The following KAZN variants were observed in gnomAD, a reference collection of about 807,000 sequenced individuals.
KAZN encodes kazrin.
Under a neutral mutation model 87.4 loss-of-function variants are expected in KAZN, and 40 were observed. The observed-to-expected ratio is 0.46, with a 90% CI of 0.36 to 0.60. The LOEUF is 0.60. Ranked by LOEUF, KAZN falls within the 20% of genes least tolerant of loss-of-function variation. KAZN has a pLI of 0.00. For synonymous variants in KAZN, 466 were observed against 458.3 expected, an observed-to-expected ratio of 1.02 and a Z score of -0.22; for missense variants, 898 against 1,073.9, an observed-to-expected ratio of 0.84 and a Z score of 2.29.
chr1:15,002,377 A>G lies in KAZN; in HGVS notation c.419-32372A>G, dbSNP rs183651740. ...CGCTGTTGACTCCTTGACTGGGCCA[A>G]GAGTCAATGGGTCTGCAGCCCCAGA... On this transcript the variant is annotated intron_variant, in intron 2 of 14. Transcript: ENST00000376030. 2.4e-3 allele frequency among the ~76,000 whole-genome samples: 364 copies of G among 152,292 alleles called. 2 individuals carry two copies. Among genetic ancestry groups the G allele is most frequent in the Non-Finnish European group, 3.6e-3 (242 of 68,020 alleles).
chr1:14,055,441 G>C (rs574035939), intron 1 of KAZN, among the ~76,000 whole-genome samples: 1 of 152,162 alleles, frequency 6.6e-6, no homozygotes, highest in Non-Finnish European at 1.5e-5. Flanking sequence ...TAAGACACAC[G>C]CATGTTGATT....
chr1:14,179,503 A>G (rs1020613408), intron 1 of KAZN, among the ~76,000 whole-genome samples: 3 of 152,260 alleles, frequency 2.0e-5, no homozygotes, highest in African/African-American at 7.2e-5. Flanking sequence ...CCAAAGCCAG[A>G]AGTCTTCAAA....
intron 1 of KAZN, among the ~76,000 whole-genome samples, chr1:14,926,961 C>T (rs918337722): frequency 2.6e-5 from 4 of 152,164 alleles, no homozygotes; most frequent in African/African-American, 9.7e-5. Context: ...TTGAATTGCT[C>T]AGGGAGAATG....
At chr1:14,960,954 G>A in intron 2 of KAZN, 79 bp downstream of exon 2, 2 of 1,447,380 alleles carry the variant, frequency 1.4e-6, no homozygotes, top group Non-Finnish European at 1.9e-6. Flanking sequence ...TGCAGGGGAA[G>A]TGACGCAGAT....
intron 2 of KAZN, among the ~76,000 whole-genome samples, chr1:14,446,395 A>C (rs535640544): frequency 2.0e-5 from 3 of 152,306 alleles, no homozygotes; most frequent in African/African-American, 7.2e-5. Context: ...AGACTACAGC[A>C]GGGATCTAGT....
chr1:14,270,963 G>A (rs1415722460), intron 2 of KAZN, among the ~76,000 whole-genome samples: 4 of 152,224 alleles, frequency 2.6e-5, no homozygotes, highest in African/African-American at 7.2e-5. Flanking sequence ...CGGAGAAAGG[G>A]TTTGCTACAG....
intron 2 of KAZN, among the ~76,000 whole-genome samples, chr1:15,015,927 G>A (rs1269097771): frequency 1.3e-5 from 2 of 152,168 alleles, no homozygotes; most frequent in Non-Finnish European, 2.9e-5. Context: ...GGAGGGCAGG[G>A]CGCCCCCACT....
intron 1 of KAZN, among the ~76,000 whole-genome samples, chr1:14,864,605 T>A (rs906387414): frequency 6.6e-6 from 1 of 152,150 alleles, no homozygotes; most frequent in Non-Finnish European, 1.5e-5. Context: ...TAAGTGGGTA[T>A]AAAGGTGGGA....
At position 15,098,432 on chromosome 1, in the gene KAZN, G is replaced by A. The variant is rs192208030; in HGVS notation, c.1548-3111G>A. 5.4e-3 allele frequency among the ~76,000 whole-genome samples: 825 copies of A among 152,370 alleles called. 7 individuals are homozygous for A. The highest frequency in any genetic ancestry group is 0.019 in the African/African-American group (782 of 41,584). On this transcript the variant is annotated intron_variant, in intron 10 of 14. Transcript: ENST00000376030. ...GCACATTAATTGTGGGCATGCAGAT[G>A]GAGATTGCTGATTATGGATGGGCCC...
At chr1:14,239,347 C>T (rs1004716856) in intron 2 of KAZN, among the ~76,000 whole-genome samples, 1 of 151,854 alleles carries the variant, frequency 6.6e-6, no homozygotes, top group Non-Finnish European at 1.5e-5. Flanking sequence ...TTGCTGTCAA[C>T]TTACCAAGCT....
chr1:14,473,212 A>G (rs1188481772), intron 2 of KAZN, among the ~76,000 whole-genome samples: 2 of 151,952 alleles, frequency 1.3e-5, no homozygotes, highest in African/African-American at 4.8e-5. Flanking sequence ...TTAGAATTTC[A>G]GATTAACAAC....
chr1:14,221,818 C>T (rs1321138258), intron 2 of KAZN: 3 of 152,022 alleles, frequency 2.0e-5, no homozygotes, highest in Admixed American at 6.6e-5. Context: ...AAATATATGC[C>T]CATGTCCCCT....
chr1:14,156,549 T>C (rs1158975167), intron 1 of KAZN, among the ~76,000 whole-genome samples: 1 of 152,230 alleles, frequency 6.6e-6, no homozygotes, highest in Non-Finnish European at 1.5e-5. Flanking sequence ...AAAATTGTTA[T>C]ATCCTCTTGT....
intron 2 of KAZN, among the ~76,000 whole-genome samples, chr1:14,555,961 C>A (rs1340527434): frequency 6.6e-6 from 1 of 152,186 alleles, no homozygotes; most frequent in East Asian, 1.9e-4. Context: ...TGTGCAAAAA[C>A]AATTACATCA....
chr1:14,322,328 A>G (rs951281648), intron 2 of KAZN, among the ~76,000 whole-genome samples: 1 of 152,176 alleles, frequency 6.6e-6, no homozygotes, highest in Admixed American at 6.5e-5. Flanking sequence ...TTCTCTAACC[A>G]GTTGCATTTG....
At chr1:14,841,521 G>A (rs1051897257) in intron 1 of KAZN, among the ~76,000 whole-genome samples, 2 of 151,634 alleles carry the variant, frequency 1.3e-5, no homozygotes, top group African/African-American at 4.8e-5. Flanking sequence ...CCTGGGTATA[G>A]GGGCAGGGAC....
chr1:14,286,356 A>G (rs548677487), intron 2 of KAZN, among the ~76,000 whole-genome samples: 12 of 152,326 alleles, frequency 7.9e-5, no homozygotes, highest in African/African-American at 2.2e-4. Flanking sequence ...TAGCTCTTTA[A>G]AGACCTTATC....
intron 1 of KAZN, among the ~76,000 whole-genome samples, chr1:13,907,882 A>T (rs996881245): frequency 4.6e-5 from 7 of 152,278 alleles, no homozygotes; most frequent in African/African-American, 1.7e-4. Context: ...GTGAGGTTAT[A>T]AGACTGTGTA....
intron 1 of KAZN, among the ~76,000 whole-genome samples, chr1:14,178,253 C>G (rs563799134): frequency 1.3e-5 from 2 of 152,312 alleles, no homozygotes; most frequent in East Asian, 1.9e-4. Context: ...CCCAGTCTCT[C>G]CGATGTTTCT....
Sources: allele counts gnomAD v4.1 joint callset (sites outside exome capture counted in the v4.1 genomes callset), GRCh38; gene constraint gnomAD v4.1.1; transcripts MANE v1.5; gene names NCBI Gene and HGNC (gene_info 2026-07-23, HGNC 2026-07-21).